The following ATP1A3 variants were observed in gnomAD, a reference collection of about 807,000 sequenced individuals.
ATP1A3 encodes the protein sodium/potassium-transporting ATPase subunit alpha-3.
A neutral mutation model predicts 108.8 loss-of-function variants in ATP1A3; 12 were observed. The observed-to-expected ratio is 0.11, with a 90% CI of 0.07 to 0.18. ATP1A3 has a LOEUF of 0.18. Among genes scored for constraint, ATP1A3 ranks in the 10% least tolerant of loss-of-function variants. The pLI is 1.00. For synonymous variants in ATP1A3, 539 were observed against 564.5 expected (o/e 0.95, Z 0.64); for missense variants, 498 against 1,387.7 (o/e 0.36, Z 10.19).
chr19:41,979,255 G>A (rs1210364738), intron 11 of ATP1A3, among the ~76,000 whole-genome samples: 6 of 151,444 alleles, frequency 4.0e-5, no homozygotes, highest in Non-Finnish European at 7.4e-5. Context: ...TGCCCTCATC[G>A]GCCTCTCAAA....
intron 4 of ATP1A3, among the ~76,000 whole-genome samples, chr19:41,987,323 T>C (rs1182772026): frequency 1.3e-5 from 2 of 152,166 alleles, no homozygotes; most frequent in Non-Finnish European, 1.5e-5. Context: ...CATTGCTGTG[T>C]GTGTGTGTGC....
At position 41,968,059 on chromosome 19, in the gene ATP1A3, G is replaced by A. The variant is rs1464473823; in HGVS notation, c.2820-296C>T. ...AGACAGAGAGACAGACACAGGGACA[G>A]ACACAGAGACAGGGACAGAAACAGA... On this transcript the variant is annotated intron_variant, in intron 20 of 22. Coordinates refer to ENST00000648268, the MANE Select transcript of ATP1A3 (RefSeq NM_152296.5). The surrounding 1 kb of genome is among the most constrained non-coding windows in gnomAD (Gnocchi z 5.0). Among the ~76,000 whole-genome samples, 1 of 151,490 alleles carries A rather than the reference G, an allele frequency of 6.6e-6. No individual in the cohort carries two copies. Among genetic ancestry groups the A allele is most frequent in the East Asian group, 1.9e-4 (1 of 5,160 alleles).
At chr19:41,993,469 C>G (rs1568870148) in intron 1 of ATP1A3, 1 of 1,531,050 alleles carries the variant, frequency 6.5e-7, no homozygotes, top group East Asian at 2.5e-5. Context: ...CACACACACA[C>G]TGCAGCCCCA....
chr19:41,973,168 C>T (rs1040817270), intron 16 of ATP1A3, among the ~76,000 whole-genome samples: 14 of 152,138 alleles, frequency 9.2e-5, no homozygotes, highest in African/African-American at 1.2e-4. Context: ...CGCTGACTGC[C>T]GCTGCAGGTG....
At chr19:41,984,724 G>A (rs1555864657) in intron 8 of ATP1A3, 194 bp downstream of exon 8, 1 of 633,412 alleles carries the variant, frequency 1.6e-6, no homozygotes, top group African/African-American at 1.8e-5. Context: ...AGAATACTGT[G>A]ATCCAGGCCC....
At position 41,976,492 on chromosome 19, in the gene ATP1A3, T is replaced by C; in HGVS notation, c.2018A>G (p.Gln673Arg). 1 of 1,614,208 alleles carries C rather than the reference T, an allele frequency of 6.2e-7. No homozygotes were observed. Among genetic ancestry groups the C allele is most frequent in the South Asian group, 1.1e-5 (1 of 91,082 alleles). The change falls in exon 15 of 23, where the codon CAG becomes CGG. Residue 673 changes from glutamine (Q) to arginine (R), a missense_variant. Physicochemically the swap from Gln to Arg is conservative, Grantham distance 43. Coordinates refer to ENST00000648268, the MANE Select transcript of ATP1A3 (RefSeq NM_152296.5). ...FTSEQIDEIL[Q>R]NHTEIVFART... ...GGCGAAGACGATCTCGGTGTGATTC[T>C]GCAGGATCTCGTCGATTTGCTCGGA...
chr19:41,977,968 C>A lies in ATP1A3; in HGVS notation c.1911G>T (p.Arg637=). The part of the protein sequence containing the change: ...GNETVEDIAA[R]LNIPVSQVNP... ...TAACCTGGCTGACGGGAATGTTGAG[C>A]CGGGCGGCGATGTCCTCCACAGTCT... is the stretch of plus-strand genomic sequence containing the variant. Residue 637 remains arginine, a synonymous_variant, in exon 14 of 23, where the codon CGG becomes CGT. Coordinates refer to ENST00000648268, the MANE Select transcript of ATP1A3 (RefSeq NM_152296.5). 6.2e-7 allele frequency: 1 copy of A among 1,614,226 alleles called. No homozygotes were observed. The highest frequency in any genetic ancestry group is 1.1e-5 in the South Asian group (1 of 91,088).
At chr19:41,973,740 A>G (rs189486355) in intron 16 of ATP1A3, among the ~76,000 whole-genome samples, 11 of 152,340 alleles carry the variant, frequency 7.2e-5, no homozygotes, top group African/African-American at 2.4e-4. Flanking sequence ...GAGAACAGGG[A>G]TGGTGTCTGC....
chr19:41,985,642 C>T lies in ATP1A3; in HGVS notation c.607-219G>A, dbSNP rs145761208. 3.9e-5 allele frequency among the ~76,000 whole-genome samples: 6 copies of T among 152,190 alleles called. No homozygotes were observed. The highest frequency in any genetic ancestry group is 4.1e-4 in the South Asian group (2 of 4,828). Reference sequence around the variant, plus strand: ...AAGGTCTAGGGTCCCTAAGGATCTCCGAAAGGTGAGGGCTGGGCCTGGACT... The same window carrying T: ...AAGGTCTAGGGTCCCTAAGGATCTCTGAAAGGTGAGGGCTGGGCCTGGACT... On this transcript the variant is annotated intron_variant, in intron 6 of 22. Transcript: ENST00000648268. This position sits in a 1 kb window ranked among gnomAD's most constrained non-coding sequence, Gnocchi z 8.2.
intron 16 of ATP1A3, among the ~76,000 whole-genome samples, chr19:41,972,368 C>A (rs1219859660): frequency 6.6e-6 from 1 of 151,674 alleles, no homozygotes; most frequent in Admixed American, 6.6e-5. Context: ...GTTGCAGTGA[C>A]TGATGATTGC....
Position 41,968,005 on chromosome 19 carries a change from C to T in ATP1A3, c.2820-242G>A, listed in dbSNP as rs782130885. On this transcript the variant is annotated intron_variant, in intron 20 of 22. Coordinates refer to ENST00000648268, the MANE Select transcript of ATP1A3 (RefSeq NM_152296.5). The surrounding 1 kb of genome is among the most constrained non-coding windows in gnomAD (Gnocchi z 5.0). ...CAAAAGACAGGGACAGACACAGAGA[C>T]AGGGACAGACACAGAGACAGACAGG... Among the ~76,000 whole-genome samples the T allele has an allele frequency of 1.4e-5, 2 of 146,466 alleles. No individual in the cohort carries two copies. Among genetic ancestry groups the T allele is most frequent in the Non-Finnish European group, 3.0e-5 (2 of 67,112 alleles).
intron 16 of ATP1A3, among the ~76,000 whole-genome samples, chr19:41,970,814 A>G (rs191087180): frequency 1.3e-5 from 2 of 149,050 alleles, no homozygotes; most frequent in Admixed American, 6.7e-5. Context: ...TTGTATTTTT[A>G]TTAGAGACGG....
chr19:41,986,060 G>A (rs540861752), intron 5 of ATP1A3, 56 bp downstream of exon 5: 20 of 1,613,966 alleles, frequency 1.2e-5, no homozygotes, highest in African/African-American at 4.0e-5. Context: ...CACTGGGCCC[G>A]GCCCCCAGCC....
At chr19:41,989,475 C>T (rs532227405) in intron 1 of ATP1A3, among the ~76,000 whole-genome samples, 2 of 152,112 alleles carry the variant, frequency 1.3e-5, no homozygotes, top group South Asian at 4.1e-4. Context: ...CCCGCCACTA[C>T]GCCCGGCTCA....
At chr19:41,975,331 G>A (rs1186939048) in intron 16 of ATP1A3, among the ~76,000 whole-genome samples, 2 of 152,194 alleles carry the variant, frequency 1.3e-5, no homozygotes, top group Non-Finnish European at 2.9e-5. Context: ...GATTACAGGC[G>A]TGGCTGCCGC....
chr19:41,978,447 C>A lies in ATP1A3; in HGVS notation c.1631-121G>T. On this transcript the variant is annotated intron_variant, in intron 12 of 22. Transcript: ENST00000648268. The surrounding 1 kb of genome is among the most constrained non-coding windows in gnomAD (Gnocchi z 8.3). ...ATCAGCAAGACGGCCAGTCAGCATTCATTTCCTAGGATACCTTCCCCTCTC... is the reference window on the plus strand; with the variant it reads ...ATCAGCAAGACGGCCAGTCAGCATTAATTTCCTAGGATACCTTCCCCTCTC... 1 of 1,472,390 alleles carries A rather than the reference C, an allele frequency of 6.8e-7. No individual in the cohort carries two copies. The highest frequency in any genetic ancestry group is 1.2e-5 in the South Asian group (1 of 83,794). 91.2% of individuals were successfully genotyped at this position (1,472,390 alleles called of 1,614,324 possible). A position where few individuals can be genotyped will look rare whatever the true frequency, so the allele number is the denominator to read the frequency against.
Position 41,966,720 on chromosome 19 carries a change from G to A in ATP1A3, c.*217C>T. The A allele has an allele frequency of 1.3e-6, 2 of 1,531,258 alleles. No individual in the cohort carries two copies. The highest frequency in any genetic ancestry group is 2.4e-5 in the South Asian group (2 of 82,758). The allele number at this position is 1,531,258 out of a possible 1,614,324, so 94.9% of individuals were successfully genotyped here. On this transcript the variant is annotated 3_prime_UTR_variant, in exon 23 of 23. Transcript: ENST00000648268. ...GGATAGAGGGGTGAGGAGAGGGAGA[G>A]AAACTGACACAGAAAAGAGAGAGGA...
intron 1 of ATP1A3, among the ~76,000 whole-genome samples, chr19:41,990,339 CTCTT>C (rs2075325055): frequency 6.6e-6 from 1 of 151,764 alleles, no homozygotes; most frequent in Non-Finnish European, 1.5e-5. Context: ...TCCTCTCTTT[CTCTT>C]TCTCTCTCTC....
Position 41,983,948 on chromosome 19 carries a change from T to C in ATP1A3, c.993+970A>G, listed in dbSNP as rs1428325541. ...CATCACCACGCCTGGCTAATTTTTATACTTTTAGTAGAGATGGGGTTTTGC... is the reference window on the plus strand; with the variant it reads ...CATCACCACGCCTGGCTAATTTTTACACTTTTAGTAGAGATGGGGTTTTGC... On this transcript the variant is annotated intron_variant, in intron 8 of 22. Transcript: ENST00000648268. 2.6e-5 allele frequency among the ~76,000 whole-genome samples: 4 copies of C among 151,258 alleles called. No individual in the cohort carries two copies. In the East Asian group the frequency reaches 7.9e-4, roughly 30 times the overall value.
Sources: gnomAD v4.1 joint callset for allele counts (sites outside exome capture counted in the v4.1 genomes callset) on GRCh38, gnomAD v4.1.1 for gene constraint, Gnocchi (gnomAD v3.1) non-coding constraint, MANE v1.5 for transcripts, NCBI Gene and HGNC (gene_info 2026-07-23, HGNC 2026-07-21) for gene names.